IL1R1: variants seen among roughly 807,000 people sequenced by gnomAD.
IL1R1 encodes the protein interleukin 1 receptor type 1, also known as interleukin-1 receptor type 1.
A neutral mutation model predicts 50.2 loss-of-function variants in IL1R1; 22 were observed. That is an observed-to-expected ratio of 0.44 (90% CI 0.31 to 0.63). The LOEUF (loss-of-function observed/expected upper bound fraction) is 0.63. Among genes scored for constraint, IL1R1 ranks in the 20% least tolerant of loss-of-function variants. IL1R1 has a pLI of 0.07. For synonymous variants in IL1R1, 251 were observed against 236.7 expected (o/e 1.06, Z -0.55); for missense variants, 509 against 676.2 (o/e 0.75, Z 2.74).
At chr2:102,140,513 TGTAA>T (rs1440076176), upstream of IL1R1, among the ~76,000 whole-genome samples, 1 of 152,188 alleles carries the variant, frequency 6.6e-6, no homozygotes, top group Non-Finnish European at 1.5e-5. Flanking sequence ...TTCTGTTTCT[TGTAA>T]GTTTTTGTCC....
intron 1 of IL1R1, among the ~76,000 whole-genome samples, chr2:102,124,292 C>T (rs1161058602): frequency 2.6e-5 from 4 of 151,882 alleles, no homozygotes; most frequent in East Asian, 3.9e-4. Flanking sequence ...CATGGTGGTG[C>T]GCCTGTAATC....
chr2:102,170,432 G>A (rs1685570571), intron 7 of IL1R1, among the ~76,000 whole-genome samples: 2 of 151,976 alleles, frequency 1.3e-5, no homozygotes, highest in Non-Finnish European at 2.9e-5. Context: ...AAAAAACAAG[G>A]TATGCTTACC....
intron 6 of IL1R1, 57 bp downstream of exon 6, chr2:102,166,338 A>T (rs899414473): frequency 2.0e-5 from 25 of 1,266,508 alleles, no homozygotes; most frequent in Middle Eastern, 1.9e-4. Flanking sequence ...AGAGACTGTG[A>T]TTCTAATACT....
intron 1 of IL1R1, among the ~76,000 whole-genome samples, chr2:102,074,007 G>A (rs895645695): frequency 6.6e-6 from 1 of 152,118 alleles, no homozygotes; most frequent in African/African-American, 2.4e-5. Flanking sequence ...CTCTGCCCCA[G>A]TAGTGCCACT....
intron 1 of IL1R1, among the ~76,000 whole-genome samples, chr2:102,078,294 TAAAC>T (rs1679060545): frequency 6.6e-6 from 1 of 151,900 alleles, no homozygotes; most frequent in African/African-American, 2.4e-5. Flanking sequence ...TCTGAAAAGA[TAAAC>T]AAAACTGGCA....
chr2:102,131,245 C>T (rs1682013794), intron 1 of IL1R1, among the ~76,000 whole-genome samples: 1 of 152,084 alleles, frequency 6.6e-6, no homozygotes, highest in Admixed American at 6.6e-5. Context: ...AAGCAAGATC[C>T]AAAAGAATCA....
intron 3 of IL1R1, among the ~76,000 whole-genome samples, chr2:102,161,448 A>G (rs187037626): frequency 4.6e-5 from 7 of 152,264 alleles, no homozygotes; most frequent in Admixed American, 3.9e-4. Flanking sequence ...AATTATGTCA[A>G]ATTGGTTGAT....
At chr2:102,072,262 C>T (rs1268008547) in intron 1 of IL1R1, among the ~76,000 whole-genome samples, 1 of 78,626 alleles carries the variant, frequency 1.3e-5, no homozygotes, top group African/African-American at 4.3e-5. Flanking sequence ...TCTGTGTCAC[C>T]AAAAAAAAAA....
chr2:102,072,024 A>C (rs1439924825), intron 1 of IL1R1, among the ~76,000 whole-genome samples: 1 of 152,054 alleles, frequency 6.6e-6, no homozygotes, highest in Non-Finnish European at 1.5e-5. Flanking sequence ...TGGGAGGCCG[A>C]AGTGGGGGGA....
chr2:102,113,375 G>A (rs960617800), intron 1 of IL1R1, among the ~76,000 whole-genome samples: 2 of 152,214 alleles, frequency 1.3e-5, no homozygotes, highest in African/African-American at 4.8e-5. Context: ...CGAAAGTGCT[G>A]AACGTCTTAA....
Position 102,176,360 on chromosome 2 carries a change from T to C in IL1R1, c.1311T>C (p.Val437=), listed in dbSNP as rs1299861586. 6.2e-7 allele frequency: 1 copy of C among 1,613,434 alleles called. No homozygotes were observed. The highest frequency in any genetic ancestry group is 1.3e-5 in the African/African-American group (1 of 74,894). Reference sequence around the variant, plus strand: ...GTGCTTCCTGTTTTTCAGACATTGTTGAGGTCATTAATGAAAACGTAAAGA... The same window carrying C: ...GTGCTTCCTGTTTTTCAGACATTGTCGAGGTCATTAATGAAAACGTAAAGA... The part of the protein sequence containing the change: ...GRDDYVGEDI[V]EVINENVKKS... Residue 437 remains valine (V), a synonymous_variant, in exon 12 of 12, where the codon GTT becomes GTC. Coordinates refer to ENST00000410023, the MANE Select transcript of IL1R1 (RefSeq NM_000877.4).
chr2:102,166,144 A>C lies in IL1R1; in HGVS notation c.518A>C (p.His173Pro), dbSNP rs148877966. 2.5e-6 allele frequency: 4 copies of C among 1,613,664 alleles called. No homozygotes were observed. The highest frequency in any genetic ancestry group is 3.4e-6 in the Non-Finnish European group (4 of 1,179,738). Reference sequence around the variant, plus strand: ...AAACCTCTACTTCTTGACAATATACACTTTAGTGGAGTCAAAGATAGGCTC... The same window carrying C: ...AAACCTCTACTTCTTGACAATATACCCTTTAGTGGAGTCAAAGATAGGCTC... ...DCKPLLLDNI[H>P]FSGVKDRLIV... The change falls in exon 6 of 12, where the codon CAC becomes CCC. Residue 173 changes from histidine (H) to proline (P), a missense_variant. Coordinates refer to ENST00000410023, the MANE Select transcript of IL1R1 (RefSeq NM_000877.4).
At chr2:102,104,847 T>C (rs1680315729) in exon 1 of IL1R1, 1 of 152,210 alleles carries the variant, frequency 6.6e-6, no homozygotes, top group Admixed American at 6.5e-5. Flanking sequence ...CATTCCCAAA[T>C]GCCCCAAGGA....
chr2:102,124,974 G>A (rs1425730072), intron 1 of IL1R1, among the ~76,000 whole-genome samples: 1 of 152,044 alleles, frequency 6.6e-6, no homozygotes, highest in African/African-American at 2.4e-5. Flanking sequence ...GAACAGCATG[G>A]GGGAACCACC....
At chr2:102,172,932 A>G in intron 9 of IL1R1, 94 bp downstream of exon 9, 3 of 809,250 alleles carry the variant, frequency 3.7e-6, no homozygotes, top group Non-Finnish European at 6.0e-6. Context: ...TGCTTAGAAC[A>G]CGCTTCACTT....
At chr2:102,094,634 G>T (rs1389140107) in intron 1 of IL1R1, among the ~76,000 whole-genome samples, 1 of 152,164 alleles carries the variant, frequency 6.6e-6, no homozygotes, top group East Asian at 1.9e-4. Flanking sequence ...TGACAATTAA[G>T]TTGTGTATGA....
Position 102,176,403 on chromosome 2 carries a change from A to G in IL1R1, c.1354A>G (p.Ile452Val). The change falls in exon 12 of 12, where the codon ATC becomes GTC. Residue 452 changes from isoleucine (I) to valine (V), a missense_variant. Ile to Val is a conservative substitution (Grantham distance 29, BLOSUM62 3). Transcript: ENST00000410023. Reference protein sequence around the residue: ...ENVKKSRRLIIILVRETSGFS... With the variant: ...ENVKKSRRLIVILVRETSGFS... ...CGTAAAGAAAAGCAGAAGACTGATTATCATTTTAGTCAGAGAAACATCAGG... is the reference window on the plus strand; with the variant it reads ...CGTAAAGAAAAGCAGAAGACTGATTGTCATTTTAGTCAGAGAAACATCAGG... The G allele has an allele frequency of 6.2e-7, 1 of 1,614,192 alleles. No homozygotes were observed. The highest frequency in any genetic ancestry group is 8.5e-7 in the Non-Finnish European group (1 of 1,180,002).
Position 102,179,114 on chromosome 2 carries a change from G to T in IL1R1, c.*2355G>T, listed in dbSNP as rs1578060340. ...CAGACTACAGCCAGAAGCCCATGGA[G>T]CAGGGATGTCACGTCTTGAAAAGCC... On this transcript the variant is annotated 3_prime_UTR_variant, in exon 12 of 12. Coordinates refer to ENST00000410023, the MANE Select transcript of IL1R1 (RefSeq NM_000877.4). 5 of 152,332 alleles carry T rather than the reference G, an allele frequency of 3.3e-5. No homozygotes were observed. The South Asian group carries it at 1.0e-3, about 32-fold the overall frequency. The allele number at this position is 152,332 out of a possible 1,614,324, so 9.4% of individuals were successfully genotyped here.
chr2:102,175,272 A>G lies in IL1R1; in HGVS notation c.1136-206A>G, dbSNP rs147698170. 4.6e-5 allele frequency among the ~76,000 whole-genome samples: 7 copies of G among 152,294 alleles called. No homozygotes were observed. In the East Asian group the frequency reaches 1.4e-3, roughly 29 times the overall value. ...GAGGCAGCCTCCAAATAGAAGAACAAATTTGCAGTAAAACACAAGAAATAG... is the reference window on the plus strand; with the variant it reads ...GAGGCAGCCTCCAAATAGAAGAACAGATTTGCAGTAAAACACAAGAAATAG... On this transcript the variant is annotated intron_variant, in intron 10 of 11. Coordinates refer to ENST00000410023, the MANE Select transcript of IL1R1 (RefSeq NM_000877.4).
Sources: allele counts gnomAD v4.1 joint callset (sites outside exome capture counted in the v4.1 genomes callset), GRCh38; gene constraint gnomAD v4.1.1; transcripts MANE v1.5; gene names NCBI Gene and HGNC (gene_info 2026-07-23, HGNC 2026-07-21).